The following INPP5E variants were observed in gnomAD, a reference collection of about 807,000 sequenced individuals.
The protein encoded by INPP5E is inositol polyphosphate-5-phosphatase E.
Under a neutral mutation model 50.5 loss-of-function variants are expected in INPP5E, and 34 were observed. The observed-to-expected ratio is 0.67, with a 90% confidence interval of 0.51 to 0.90. The LOEUF (loss-of-function observed/expected upper bound fraction) is 0.90. INPP5E is among the 40% of genes least tolerant of loss of function. The pLI is 0.00. For missense variants in INPP5E, 942 were observed against 905.5 expected (o/e 1.04, Z -0.52); for synonymous variants, 447 against 406.0 (o/e 1.10, Z -1.21).
chr9:136,434,682 C>A (rs1054705824), intron 2 of INPP5E, 58 bp downstream of exon 2: 3 of 1,561,428 alleles, frequency 1.9e-6, no homozygotes, highest in African/African-American at 2.7e-5. Flanking sequence ...CCCCCTCACC[C>A]GCCTTTGTCC....
In INPP5E at chr9:136,431,260, C is replaced by T. The variant is rs186227977; in HGVS notation, c.1550-143G>A. ...CCTCACCTTTCCTCATCTCCCGCCA[C>T]GCCCGCCCCCCCAGGCCCTCACCTC... On this transcript the variant is annotated intron_variant, in intron 7 of 9. Coordinates refer to ENST00000371712, the MANE Select transcript of INPP5E (RefSeq NM_019892.6). 1.4e-3 allele frequency: 543 copies of T among 387,780 alleles called. 48 individuals are homozygous for T. Among genetic ancestry groups the T allele is most frequent in the East Asian group, 4.0e-3 (78 of 19,628 alleles). The allele number at this position is 387,780 out of a possible 1,614,324, so 24.0% of individuals were successfully genotyped here.
intron 1 of INPP5E, 60 bp downstream of exon 1, chr9:136,438,548 A>G (rs959051043): frequency 7.1e-7 from 1 of 1,417,576 alleles, no homozygotes; most frequent in Non-Finnish European, 9.7e-7. Flanking sequence ...ACGAGGTTCC[A>G]GCAGCCTGAA....
chr9:136,434,703 C>CCCCCCT, intron 2 of INPP5E, 37 bp downstream of exon 2: 2 of 1,582,852 alleles, frequency 1.3e-6, no homozygotes, highest in Non-Finnish European at 1.7e-6. Context: ...AGCACCACCC[C>CCCCCCT]ACCCTTCCCC....
chr9:136,436,786 ACTGT>A (rs1410017386), intron 1 of INPP5E: 5 of 152,222 alleles, frequency 3.3e-5, no homozygotes, highest in Non-Finnish European at 7.3e-5. Context: ...TTTGGTCCCC[ACTGT>A]CTGTGTCTCC....
rs555466316 is a variant in INPP5E at position 136,432,287 on chromosome 9, A to T, written c.1387+192T>A. On this transcript the variant is annotated intron_variant, in intron 6 of 9. Transcript: ENST00000371712. The stretch of plus-strand genomic sequence containing the variant: ...GGACCCAGGCTAGTGGGCCACGCCG[A>T]GTGGACAGGATCCGCCCACCCCACT... 5.9e-5 allele frequency among the ~76,000 whole-genome samples: 9 copies of T among 152,240 alleles called. No homozygotes were observed. The South Asian group carries it at 1.9e-3, about 32-fold the overall frequency.
chr9:136,438,695 G>A lies in INPP5E; in HGVS notation c.725C>T (p.Pro242Leu). The A allele has an allele frequency of 6.2e-7, 1 of 1,600,800 alleles. No individual in the cohort carries two copies. The highest frequency in any genetic ancestry group is 8.5e-7 in the Non-Finnish European group (1 of 1,174,070). ...SSLGPGRPRS[P>L]LACDDCSLRS... is the part of the protein sequence containing the mutation. ...AAGGGAACAGTCGTCGCAGGCCAGGGGGCTCCGCGGCCGGCCGGGGCCCAG... is the reference window on the plus strand; with the variant it reads ...AAGGGAACAGTCGTCGCAGGCCAGGAGGCTCCGCGGCCGGCCGGGGCCCAG... Residue 242 changes from proline to leucine, a missense_variant, in exon 1 of 10, where the codon CCC (proline) becomes CTC (leucine). Coordinates refer to ENST00000371712, the MANE Select transcript of INPP5E (RefSeq NM_019892.6).
chr9:136,430,178 C>G, intron 9 of INPP5E, 99 bp downstream of exon 9: 2 of 1,459,466 alleles, frequency 1.4e-6, no homozygotes, highest in Non-Finnish European at 1.9e-6. Flanking sequence ...CAGAACAAAG[C>G]CCCAAGTGGA....
chr9:136,432,526 A>G lies in INPP5E; in HGVS notation c.1340T>C (p.Val447Ala). The change falls in exon 6 of 10, where the codon GTC becomes GCC. Residue 447 changes from valine to alanine, a missense_variant. Coordinates refer to ENST00000371712, the MANE Select transcript of INPP5E (RefSeq NM_019892.6). ...LDYTRTVQAL[V>A]LPRNVPDTNP... ...GGTGTCGGGCACATTTCTGGGCAGGACCAGGGCTTGTACAGTCCTGGTGTA... is the reference window on the plus strand; with the variant it reads ...GGTGTCGGGCACATTTCTGGGCAGGGCCAGGGCTTGTACAGTCCTGGTGTA... 2 of 1,551,578 alleles carry G rather than the reference A, an allele frequency of 1.3e-6. No individual in the cohort carries two copies. The highest frequency in any genetic ancestry group is 1.7e-6 in the Non-Finnish European group (2 of 1,147,362).
intron 2 of INPP5E, 33 bp downstream of exon 2, chr9:136,434,707 C>CG: frequency 1.3e-6 from 2 of 1,584,324 alleles, no homozygotes; most frequent in Non-Finnish European, 8.6e-7. Flanking sequence ...CCACCCCACC[C>CG]TTCCCCGCCC....
chr9:136,432,118 G>T, intron 6 of INPP5E, 133 bp from the exon 7 acceptor site: 2 of 1,121,330 alleles, frequency 1.8e-6, no homozygotes, highest in Non-Finnish European at 2.6e-6. Context: ...CGGGCCCTCA[G>T]GGGTGGGATT....
chr9:136,433,806 C>T (rs1334168968), intron 3 of INPP5E, among the ~76,000 whole-genome samples: 2 of 152,238 alleles, frequency 1.3e-5, no homozygotes, highest in Non-Finnish European at 2.9e-5. Flanking sequence ...CGTGCCCGGC[C>T]GCCACCCGGG....
intron 6 of INPP5E, 122 bp from the exon 7 acceptor site, chr9:136,432,107 C>T: frequency 8.0e-7 from 1 of 1,255,520 alleles, no homozygotes; most frequent in Non-Finnish European, 1.1e-6. Flanking sequence ...GCCGGTGGGG[C>T]CGGGCCCTCA....
chr9:136,430,324 G>A lies in INPP5E; in HGVS notation c.1755C>T (p.Arg585=). 6.4e-7 allele frequency: 1 copy of A among 1,552,292 alleles called. No individual in the cohort carries two copies. The highest frequency in any genetic ancestry group is 8.7e-7 in the Non-Finnish European group (1 of 1,147,216). The change falls in exon 9 of 10, where the codon CGC becomes CGT. Residue 585 remains arginine, a synonymous_variant. Transcript: ENST00000371712. ...TCACCCGGAAGAGGCCATACACAGG[G>A]CGGTGGTCGGACGTCTTGATCCCGG... ...SCPGIKTSDH[R]PVYGLFRVKV... is the part of the protein sequence containing the mutation.
chr9:136,431,942 G>C lies in INPP5E; in HGVS notation c.1431C>G (p.Asp477Glu). ...GCCCGCCACTCAGGCGGAAGTTGAA[G>C]TCTCCAAACCAGAACACCTCATCGA... The part of the protein sequence containing the change: ...TRFDEVFWFG[D>E]FNFRLSGGRT... Residue 477 changes from aspartate to glutamate, a missense_variant, in exon 7 of 10, where the codon GAC becomes GAG. Physicochemically the swap from Asp to Glu is conservative, Grantham distance 45. Coordinates refer to ENST00000371712, the MANE Select transcript of INPP5E (RefSeq NM_019892.6). 3.1e-6 allele frequency: 5 copies of C among 1,612,272 alleles called. No homozygotes were observed. Among genetic ancestry groups the C allele is most frequent in the Non-Finnish European group, 4.2e-6 (5 of 1,179,830 alleles).
chr9:136,430,535 A>G (rs527606909), intron 8 of INPP5E, 122 bp from the exon 9 acceptor site: 3 of 1,190,384 alleles, frequency 2.5e-6, no homozygotes, highest in African/African-American at 3.0e-5. Flanking sequence ...GACCCCTGAC[A>G]CTCATGCCCA....
At position 136,438,745 on chromosome 9, in the gene INPP5E, C is replaced by T. The variant is rs766060428; in HGVS notation, c.675G>A (p.Pro225=). The T allele has an allele frequency of 2.5e-6, 4 of 1,611,086 alleles. No homozygotes were observed. Among genetic ancestry groups the T allele is most frequent in the Non-Finnish European group, 3.4e-6 (4 of 1,179,360 alleles). Residue 225 remains proline, a synonymous_variant, in exon 1 of 10, where the codon CCG becomes CCA. Coordinates refer to ENST00000371712, the MANE Select transcript of INPP5E (RefSeq NM_019892.6). The stretch of plus-strand genomic sequence containing the variant: ...GGCTGCTGTGGGCCCGCACCAGGAG[C>T]GGCTGCGCGCGGAGCTTGTAGTCTG... ...DLADYKLRAQ[P]LLVRAHSSLG...
chr9:136,438,960 G>C lies in INPP5E; in HGVS notation c.460C>G (p.Pro154Ala). 1 of 1,572,974 alleles carries C rather than the reference G, an allele frequency of 6.4e-7. No individual in the cohort carries two copies. The highest frequency in any genetic ancestry group is 8.6e-7 in the Non-Finnish European group (1 of 1,159,574). The change falls in exon 1 of 10, where the codon CCG becomes GCG. Residue 154 changes from proline (P) to alanine (A), a missense_variant. Pro to Ala is a conservative substitution (Grantham distance 27, BLOSUM62 -1). Coordinates refer to ENST00000371712, the MANE Select transcript of INPP5E (RefSeq NM_019892.6). ...GAGAGAGGGTTACCCCCCGAGGACGGGCTCCCTCTCTCACTGCTCAGGACC... is the reference window on the plus strand; with the variant it reads ...GAGAGAGGGTTACCCCCCGAGGACGCGCTCCCTCTCTCACTGCTCAGGACC... ...RGVLSSERGSPSSGGNPLSGV... is the reference protein window; with the variant it reads ...RGVLSSERGSASSGGNPLSGV...
chr9:136,435,320 C>T (rs962953217), intron 1 of INPP5E, among the ~76,000 whole-genome samples: 3 of 152,096 alleles, frequency 2.0e-5, no homozygotes, highest in East Asian at 3.9e-4. Context: ...CTCGACACCC[C>T]GTGGCTTTGA....
chr9:136,434,868 G>A lies in INPP5E; in HGVS notation c.813-5C>T. On this transcript the variant is annotated splice_polypyrimidine_tract_variant and splice_region_variant and intron_variant, in intron 1 of 9. Transcript: ENST00000371712. ...AGGCTGCCCTCCAGGTAACTCCTGTGACGGGAGGACCCCAAGCTCAGGGCC... is the reference window on the plus strand; with the variant it reads ...AGGCTGCCCTCCAGGTAACTCCTGTAACGGGAGGACCCCAAGCTCAGGGCC... 11 of 1,603,908 alleles carry A rather than the reference G, an allele frequency of 6.9e-6. No individual in the cohort carries two copies. Among genetic ancestry groups the A allele is most frequent in the Non-Finnish European group, 9.4e-6 (11 of 1,176,046 alleles).
Sources: allele counts gnomAD v4.1 joint callset (sites outside exome capture counted in the v4.1 genomes callset), GRCh38; gene constraint gnomAD v4.1.1; transcripts MANE v1.5; gene names NCBI Gene and HGNC (gene_info 2026-07-23, HGNC 2026-07-21).